CA10: variants seen among roughly 807,000 people sequenced by gnomAD.
CA10 encodes carbonic anhydrase-related protein 10.
CA10 carries 14 observed loss-of-function variants against 44.2 expected under a neutral mutation model. The observed-to-expected ratio is 0.32, with a 90% confidence interval of 0.21 to 0.50. The LOEUF is 0.50. Among genes scored for constraint, CA10 ranks in the 20% least tolerant of loss-of-function variants. The probability of loss-of-function intolerance (pLI) is 0.99; values close to 1 mark genes in which losing one functional copy is unlikely to be tolerated. For missense variants in CA10, 350 were observed against 409.7 expected (o/e 0.85, Z 1.26); for synonymous variants, 159 against 141.6 (o/e 1.12, Z -0.87).
chr17:51,653,075 G>A (rs1597964282), intron 5 of CA10, among the ~76,000 whole-genome samples: 1 of 152,230 alleles, frequency 6.6e-6, no homozygotes, highest in East Asian at 1.9e-4. Flanking sequence ...TTAGGGAGAT[G>A]TGGAGTTTCC....
intron 2 of CA10, among the ~76,000 whole-genome samples, chr17:51,970,082 A>T (rs1984227091): frequency 6.6e-6 from 1 of 152,010 alleles, no homozygotes; most frequent in Admixed American, 6.6e-5. Flanking sequence ...GCCAATGTAG[A>T]TTTTTACTCC....
intron 4 of CA10, among the ~76,000 whole-genome samples, chr17:51,707,165 T>G (rs1370805251): frequency 1.3e-5 from 2 of 152,212 alleles, no homozygotes; most frequent in Non-Finnish European, 2.9e-5. Context: ...ATTTATCATG[T>G]GAATGAATGG....
intron 3 of CA10, among the ~76,000 whole-genome samples, chr17:51,831,687 G>T (rs1023397433): frequency 1.1e-4 from 9 of 78,628 alleles, no homozygotes; most frequent in Admixed American, 3.8e-4. Flanking sequence ...AGCAGCAGCA[G>T]CAGCAGCAGC....
rs150837595 is a variant in CA10, at chr17:52,067,570, G to T, written c.136+4749C>A. On this transcript the variant is annotated intron_variant, in intron 2 of 8. Transcript: ENST00000451037. ...AGTGGAGCTGTGAGAAAAGGACCAA[G>T]ATCCTCCTGACCCCAGAATGGTAGA... 5.1e-4 allele frequency among the ~76,000 whole-genome samples: 77 copies of T among 152,306 alleles called. No individual in the cohort carries two copies. The East Asian group carries it at 0.014, about 29-fold the overall frequency.
intron 2 of CA10, among the ~76,000 whole-genome samples, chr17:52,054,347 C>T (rs1223167947): frequency 3.7e-4 from 57 of 152,172 alleles, no homozygotes; most frequent in Admixed American, 2.0e-4. Flanking sequence ...AGGAAATTCC[C>T]GCCTAATAAA....
intron 4 of CA10, among the ~76,000 whole-genome samples, chr17:51,702,020 A>AC (rs1330495505): frequency 6.6e-6 from 1 of 152,048 alleles, no homozygotes; most frequent in Non-Finnish European, 1.5e-5. Flanking sequence ...ACAGAATCAG[A>AC]CCCCTACCAT....
At chr17:51,826,917 C>T (rs1475284087) in intron 3 of CA10, among the ~76,000 whole-genome samples, 4 of 152,196 alleles carry the variant, frequency 2.6e-5, no homozygotes, top group Admixed American at 2.0e-4. Flanking sequence ...CTGCATTCTC[C>T]CTGTGGTTTC....
intron 1 of CA10, among the ~76,000 whole-genome samples, chr17:52,111,842 A>T (rs1988794232): frequency 6.6e-6 from 1 of 152,168 alleles, no homozygotes; most frequent in Admixed American, 6.5e-5. Flanking sequence ...TGTTCAGGTG[A>T]CTAGGGACAA....
At chr17:51,875,319 C>A (rs779371480) in intron 3 of CA10, among the ~76,000 whole-genome samples, 3 of 152,126 alleles carry the variant, frequency 2.0e-5, no homozygotes, top group Admixed American at 1.3e-4. Flanking sequence ...CCTAGAAAGG[C>A]AGTTTTGACC....
intron 4 of CA10, among the ~76,000 whole-genome samples, chr17:51,666,688 G>A (rs575536640): frequency 4.0e-5 from 5 of 125,890 alleles, no homozygotes; most frequent in Admixed American, 3.5e-4. Flanking sequence ...TACTTGACAA[G>A]TTAAAAGTAA....
At chr17:51,650,674 C>G (rs2143273743) in intron 5 of CA10, among the ~76,000 whole-genome samples, 1 of 152,342 alleles carries the variant, frequency 6.6e-6, no homozygotes, top group Non-Finnish European at 1.5e-5. Flanking sequence ...GCTCCTGGTG[C>G]TGATGCACCC....
intron 5 of CA10, among the ~76,000 whole-genome samples, chr17:51,650,248 A>G (rs1913515095): frequency 6.6e-6 from 1 of 152,156 alleles, no homozygotes; most frequent in Admixed American, 6.5e-5. Flanking sequence ...TTTCTGGGGT[A>G]CCATTGTTCA....
At chr17:51,915,901 T>C (rs1245523774) in intron 3 of CA10, among the ~76,000 whole-genome samples, 1 of 152,068 alleles carries the variant, frequency 6.6e-6, no homozygotes. Flanking sequence ...GTCGAATTGA[T>C]TGAACAGCAT....
chr17:51,811,190 GA>G (rs35275627), intron 3 of CA10, among the ~76,000 whole-genome samples: 70,018 of 125,056 alleles, frequency 0.56, 18,695 homozygotes, highest in African/African-American at 0.72. Context: ...ACTCCATCTC[GA>G]AAAAAAAAAA....
chr17:51,776,037 T>C (rs1248951809), intron 3 of CA10, among the ~76,000 whole-genome samples: 1 of 152,144 alleles, frequency 6.6e-6, no homozygotes, highest in African/African-American at 2.4e-5. Flanking sequence ...TGAGAAGCCA[T>C]TGAAAGCCTT....
chr17:51,806,903 A>G (rs1235740963), intron 3 of CA10, among the ~76,000 whole-genome samples: 2 of 152,246 alleles, frequency 1.3e-5, no homozygotes, highest in African/African-American at 2.4e-5. Context: ...ACCTGGTTTA[A>G]CAAGATAGTA....
At chr17:52,065,273 G>A (rs1007314284) in intron 2 of CA10, among the ~76,000 whole-genome samples, 10 of 152,188 alleles carry the variant, frequency 6.6e-5, no homozygotes, top group African/African-American at 2.2e-4. Context: ...AAAACCTTGA[G>A]TACTTTCCAT....
chr17:51,969,982 T>C (rs1430672665), intron 2 of CA10, among the ~76,000 whole-genome samples: 1 of 152,016 alleles, frequency 6.6e-6, no homozygotes. Context: ...GCGTATGGAG[T>C]TACTGAGTGA....
At chr17:51,809,359 A>C (rs975179965) in intron 3 of CA10, among the ~76,000 whole-genome samples, 1 of 152,208 alleles carries the variant, frequency 6.6e-6, no homozygotes, top group Non-Finnish European at 1.5e-5. Context: ...CATTGTGGCT[A>C]TATGTCATTT....
Sources: allele counts gnomAD v4.1 joint callset (sites outside exome capture counted in the v4.1 genomes callset), GRCh38; gene constraint gnomAD v4.1.1; transcripts MANE v1.5; gene names NCBI Gene and HGNC (gene_info 2026-07-23, HGNC 2026-07-21).